The following SYBU variants were observed in gnomAD, a reference collection of about 807,000 sequenced individuals.
SYBU encodes the protein GOLSYN A protein.
SYBU carries 21 observed loss-of-function variants against 35.9 expected under a neutral mutation model. The ratio of observed to expected loss-of-function variants is 0.58; its 90% CI spans 0.41 to 0.84. SYBU has a LOEUF of 0.84. SYBU is among the 40% of genes least tolerant of loss of function. The pLI is 0.00. For synonymous variants in SYBU, 319 were observed against 324.3 expected (o/e 0.98, Z 0.18); for missense variants, 768 against 848.2 (o/e 0.91, Z 1.17).
intron 2 of SYBU, among the ~76,000 whole-genome samples, chr8:109,641,447 C>T (rs1322197108): frequency 6.6e-6 from 1 of 152,204 alleles, no homozygotes; most frequent in African/African-American, 2.4e-5. Context: ...ATTATAATCT[C>T]ATTTTATGGA....
At chr8:109,664,359 AC>A (rs769926468) in intron 1 of SYBU, among the ~76,000 whole-genome samples, 1 of 152,116 alleles carries the variant, frequency 6.6e-6, no homozygotes, top group Non-Finnish European at 1.5e-5. Flanking sequence ...AAATGAATAA[AC>A]ACACAAATAA....
At chr8:109,578,843 C>T (rs1016404785) in intron 5 of SYBU, among the ~76,000 whole-genome samples, 1 of 152,166 alleles carries the variant, frequency 6.6e-6, no homozygotes, top group Non-Finnish European at 1.5e-5. Flanking sequence ...GCAAGTTGTT[C>T]TAAAATCAAT....
At chr8:109,688,226 TA>T (rs1468752548) in intron 1 of SYBU, among the ~76,000 whole-genome samples, 3 of 152,102 alleles carry the variant, frequency 2.0e-5, no homozygotes, top group Non-Finnish European at 4.4e-5. Context: ...TAAATCTGAG[TA>T]AAAAAACAAT....
At chr8:109,603,119 C>T (rs191155226) in intron 3 of SYBU, among the ~76,000 whole-genome samples, 3 of 152,220 alleles carry the variant, frequency 2.0e-5, no homozygotes, top group Non-Finnish European at 2.9e-5. Flanking sequence ...TGGGATGCCT[C>T]GCTCCTACTT....
chr8:109,661,255 C>T (rs573962306), intron 1 of SYBU, among the ~76,000 whole-genome samples: 188 of 152,272 alleles, frequency 1.2e-3, no homozygotes, highest in Non-Finnish European at 2.1e-3. Context: ...CTCCAAAGTT[C>T]AGAGAAGCTC....
intron 3 of SYBU, among the ~76,000 whole-genome samples, chr8:109,606,552 T>C (rs1826086319): frequency 6.6e-6 from 1 of 152,134 alleles, no homozygotes; most frequent in African/African-American, 2.4e-5. Context: ...ATACTGTTAG[T>C]GCAGTAAAAA....
Position 109,575,704 on chromosome 8 carries a change from C to G in SYBU, c.1194G>C (p.Glu398Asp). The G allele has an allele frequency of 6.2e-7, 1 of 1,614,166 alleles. No homozygotes were observed. The highest frequency in any genetic ancestry group is 1.6e-4 in the Middle Eastern group (1 of 6,062). ...GAGGGGGGTTGAGGGTTAAGCTCTT[C>G]TCTGGGGAATCACATGGAAAGTCTA... ...LCLDFPCDSP[E>D]KSLTLNPPLD... The change falls in exon 7 of 7, where the codon GAG (glutamate) becomes GAC (aspartate). Residue 398 changes from glutamate to aspartate, a missense_variant. Transcript: ENST00000276646.
chr8:109,577,642 G>A (rs770389035), intron 6 of SYBU, among the ~76,000 whole-genome samples: 1 of 151,986 alleles, frequency 6.6e-6, no homozygotes, highest in Non-Finnish European at 1.5e-5. Context: ...CAACAACAAC[G>A]AAAAACAAAG....
At chr8:109,600,618 A>C (rs1825413649) in intron 3 of SYBU, among the ~76,000 whole-genome samples, 1 of 152,360 alleles carries the variant, frequency 6.6e-6, no homozygotes, top group East Asian at 1.9e-4. Context: ...AGAAGATTGG[A>C]AATGGGCAAA....
intron 1 of SYBU, among the ~76,000 whole-genome samples, chr8:109,668,639 T>C (rs1420517293): frequency 6.6e-6 from 1 of 152,190 alleles, no homozygotes. Flanking sequence ...TGAAAACATA[T>C]TATTCATGGT....
chr8:109,620,879 T>C (rs1812331103), intron 2 of SYBU, among the ~76,000 whole-genome samples: 1 of 152,168 alleles, frequency 6.6e-6, no homozygotes, highest in Admixed American at 6.6e-5. Flanking sequence ...AAGTTGCTAA[T>C]TACTCAGACA....
At chr8:109,626,803 T>C (rs972611338) in intron 2 of SYBU, among the ~76,000 whole-genome samples, 3 of 152,132 alleles carry the variant, frequency 2.0e-5, no homozygotes, top group Admixed American at 6.6e-5. Context: ...CCAGCGGAGG[T>C]TGCAGTGAGC....
chr8:109,685,907 ATAT>A (rs1817509670), upstream of SYBU, among the ~76,000 whole-genome samples: 1 of 152,212 alleles, frequency 6.6e-6, no homozygotes, highest in Non-Finnish European at 1.5e-5. Context: ...CAACCTTTAA[ATAT>A]TATTAACTTA....
intron 1 of SYBU, among the ~76,000 whole-genome samples, chr8:109,668,788 C>T (rs781047596): frequency 2.4e-4 from 37 of 152,102 alleles, no homozygotes; most frequent in African/African-American, 8.2e-4. Context: ...AAACGAGTCT[C>T]AGTGAAAAAG....
chr8:109,664,328 T>A (rs934192350), intron 1 of SYBU, among the ~76,000 whole-genome samples: 2 of 151,962 alleles, frequency 1.3e-5, no homozygotes, highest in Non-Finnish European at 2.9e-5. Context: ...CTGGGATATA[T>A]AGAAGAATGA....
chr8:109,576,617 C>T (rs1303758299), intron 6 of SYBU, among the ~76,000 whole-genome samples: 4 of 152,102 alleles, frequency 2.6e-5, no homozygotes, highest in East Asian at 3.9e-4. Context: ...AAATGCTACA[C>T]GTGGCAGGGA....
intron 1 of SYBU, among the ~76,000 whole-genome samples, chr8:109,670,174 C>T (rs1247945095): frequency 6.6e-6 from 1 of 152,046 alleles, no homozygotes; most frequent in African/African-American, 2.4e-5. Flanking sequence ...CTGTTTCCAA[C>T]ACATATATGT....
At chr8:109,578,061 T>C in intron 5 of SYBU, 44 bp from the exon 6 acceptor site, 1 of 1,577,932 alleles carries the variant, frequency 6.3e-7, no homozygotes. Context: ...TGCCGTTTCC[T>C]TTTCTATAAA....
upstream of SYBU, chr8:109,646,193 C>T (rs1269919720): frequency 6.7e-6 from 1 of 148,768 alleles, no homozygotes; most frequent in Non-Finnish European, 1.5e-5. Flanking sequence ...CTTATATACC[C>T]TTTATTCAGA....
Sources: gnomAD v4.1 joint callset for allele counts (sites outside exome capture counted in the v4.1 genomes callset) on GRCh38, gnomAD v4.1.1 for gene constraint, MANE v1.5 for transcripts, NCBI Gene and HGNC (gene_info 2026-07-23, HGNC 2026-07-21) for gene names.